EXOC4: variants seen among roughly 807,000 people sequenced by gnomAD.
EXOC4 encodes the protein SEC8-like 1.
In EXOC4, 71 loss-of-function variants were observed where a neutral mutation model predicts 107.2. The ratio of observed to expected loss-of-function variants is 0.66; its 90% CI spans 0.55 to 0.81. EXOC4 has a LOEUF of 0.81. Among genes scored for constraint, EXOC4 ranks in the 30% least tolerant of loss-of-function variants. The pLI, the probability that EXOC4 is intolerant of heterozygous loss-of-function variation, is 0.00. For missense variants in EXOC4, 1,108 were observed against 1,189.6 expected, an observed-to-expected ratio of 0.93 and a Z score of 1.01; for synonymous variants, 456 against 441.2, an observed-to-expected ratio of 1.03 and a Z score of -0.42.
chr7:133,677,500 A>G (rs1352610228), intron 10 of EXOC4, among the ~76,000 whole-genome samples: 1 of 152,224 alleles, frequency 6.6e-6, no homozygotes, highest in African/African-American at 2.4e-5. Context: ...CATAAAAATA[A>G]AATTCCATAG....
At chr7:134,061,403 T>C (rs778053465) in intron 17 of EXOC4, among the ~76,000 whole-genome samples, 1 of 152,246 alleles carries the variant, frequency 6.6e-6, no homozygotes, top group South Asian at 2.1e-4. Context: ...GTTCTGTAAC[T>C]GTTGGTCTAC....
chr7:133,783,220 C>T (rs927226607), intron 10 of EXOC4, among the ~76,000 whole-genome samples: 1 of 152,134 alleles, frequency 6.6e-6, no homozygotes, highest in African/African-American at 2.4e-5. Context: ...TTTTTAGTCC[C>T]TTCCCTGTCA....
At chr7:133,756,402 A>G (rs1220988997) in intron 10 of EXOC4, among the ~76,000 whole-genome samples, 2 of 152,142 alleles carry the variant, frequency 1.3e-5, no homozygotes, top group Admixed American at 1.3e-4. Flanking sequence ...TCATTATCTC[A>G]CCTGTAGAAA....
intron 7 of EXOC4, among the ~76,000 whole-genome samples, chr7:133,464,528 T>A (rs1306056182): frequency 6.6e-6 from 1 of 152,106 alleles, no homozygotes; most frequent in African/African-American, 2.4e-5. Flanking sequence ...GAGGTCTGTA[T>A]TTTTTTGGAG....
At chr7:133,881,926 ATAAAT>A (rs1367167577) in intron 11 of EXOC4, among the ~76,000 whole-genome samples, 1 of 152,212 alleles carries the variant, frequency 6.6e-6, no homozygotes, top group Non-Finnish European at 1.5e-5. Context: ...ATGGTTGGAA[ATAAAT>A]TGTTTAAAAT....
chr7:133,443,933 T>G (rs534612122), intron 7 of EXOC4, among the ~76,000 whole-genome samples: 1 of 152,288 alleles, frequency 6.6e-6, no homozygotes, highest in African/African-American at 2.4e-5. Context: ...TTTTGGCCAT[T>G]ATGCCAGGCA....
chr7:133,289,800 C>T (rs1429597657), intron 3 of EXOC4, among the ~76,000 whole-genome samples: 1 of 152,196 alleles, frequency 6.6e-6, no homozygotes, highest in Non-Finnish European at 1.5e-5. Flanking sequence ...TGCTCTTTCT[C>T]CCTTCCCTTT....
intron 9 of EXOC4, among the ~76,000 whole-genome samples, chr7:133,537,611 C>G (rs1262361926): frequency 4.6e-5 from 7 of 152,182 alleles, no homozygotes; most frequent in Non-Finnish European, 1.0e-4. Flanking sequence ...TTTGTTTTCT[C>G]CTGAACTACC....
intron 10 of EXOC4, among the ~76,000 whole-genome samples, chr7:133,703,675 T>G (rs1032092206): frequency 6.6e-6 from 1 of 152,220 alleles, no homozygotes; most frequent in African/African-American, 2.4e-5. Context: ...CATAACAAAT[T>G]ACGCTTATGC....
chr7:133,635,271 T>TATA (rs1428932013), intron 10 of EXOC4, among the ~76,000 whole-genome samples: 2 of 152,194 alleles, frequency 1.3e-5, no homozygotes, highest in African/African-American at 2.4e-5. Flanking sequence ...ACAATTAATA[T>TATA]ATAATGTAGT....
chr7:133,463,926 G>C (rs1798655055), intron 7 of EXOC4, among the ~76,000 whole-genome samples: 1 of 152,076 alleles, frequency 6.6e-6, no homozygotes, highest in Non-Finnish European at 1.5e-5. Context: ...GTTCTAAGTG[G>C]AATACTCATT....
chr7:133,575,243 TG>T (rs1801103903), intron 9 of EXOC4, among the ~76,000 whole-genome samples: 1 of 152,204 alleles, frequency 6.6e-6, no homozygotes, highest in Non-Finnish European at 1.5e-5. Context: ...ACTTAATGCT[TG>T]TCTCTCCTGT....
intron 9 of EXOC4, among the ~76,000 whole-genome samples, chr7:133,585,776 CT>C (rs1458132261): frequency 6.6e-6 from 1 of 152,180 alleles, no homozygotes; most frequent in African/African-American, 2.4e-5. Context: ...TCACTGTAAC[CT>C]CTGCCTCCCA....
chr7:134,067,041 TCAGGAGGCTGAG>T (rs1796186889), downstream of EXOC4, among the ~76,000 whole-genome samples: 2 of 150,900 alleles, frequency 1.3e-5, no homozygotes, highest in African/African-American at 4.9e-5. Context: ...TCCCAGCTAC[TCAGGAGGCTGAG>T]GCAGGAGAAT....
chr7:134,014,796 TA>T lies in EXOC4; in HGVS notation c.2687+6971del, dbSNP rs374325144. On this transcript the variant is annotated intron_variant, in intron 17 of 17. Transcript: ENST00000253861. ...TGAATTATATCTCGATGAAGGAGTT[TA>T]AAAAAAAAAGAGGTTGAGTTTTAAG... Among the ~76,000 whole-genome samples, 100 of 148,276 alleles carry T rather than the reference TA, an allele frequency of 6.7e-4. 1 individual carries two copies. Among genetic ancestry groups the T allele is most frequent in the African/African-American group, 1.7e-3 (70 of 40,550 alleles).
At chr7:133,844,199 C>T (rs572924573) in intron 11 of EXOC4, among the ~76,000 whole-genome samples, 2 of 152,114 alleles carry the variant, frequency 1.3e-5, no homozygotes, top group African/African-American at 4.8e-5. Flanking sequence ...GGAGGAGTCC[C>T]TCCTTCTCAA....
At chr7:133,402,171 T>C (rs1420864285) in intron 7 of EXOC4, among the ~76,000 whole-genome samples, 2 of 152,182 alleles carry the variant, frequency 1.3e-5, no homozygotes, top group Admixed American at 6.5e-5. Context: ...CAAACTGTAG[T>C]TATATTAGTT....
Position 133,480,051 on chromosome 7 carries a change from T to G in EXOC4, c.1330T>G (p.Phe444Val). 1 of 1,613,720 alleles carries G rather than the reference T, an allele frequency of 6.2e-7. No homozygotes were observed. The highest frequency in any genetic ancestry group is 8.5e-7 in the Non-Finnish European group (1 of 1,179,668). The change falls in exon 9 of 18, where the codon TTC (phenylalanine) becomes GTC (valine). Residue 444 changes from phenylalanine to valine, a missense_variant and splice_region_variant. Phe to Val is a conservative substitution (Grantham distance 50, BLOSUM62 -1). Transcript: ENST00000253861. ...TGTTTCCCCTGTGTTTCTCTGCAGG[T>G]TCGAATCGTCCTCCCATGCCATCAG... ...PQRPKNSLFK[F>V]ESSSHAISMS...
intron 7 of EXOC4, among the ~76,000 whole-genome samples, chr7:133,449,482 G>A (rs7783237): frequency 6.6e-6 from 1 of 152,114 alleles, no homozygotes; most frequent in Non-Finnish European, 1.5e-5. Flanking sequence ...TTTCTTAAAT[G>A]CAAGGATAAT....
Sources: gnomAD v4.1 joint callset for allele counts (sites outside exome capture counted in the v4.1 genomes callset) on GRCh38, gnomAD v4.1.1 for gene constraint, MANE v1.5 for transcripts, NCBI Gene and HGNC (gene_info 2026-07-23, HGNC 2026-07-21) for gene names.